Variants in ALS2 observed in about 807,000 individuals in gnomAD.
ALS2 encodes alsin.
In ALS2, 117 loss-of-function variants were observed where a neutral mutation model predicts 203.4. The ratio of observed to expected loss-of-function variants is 0.58; its 90% CI spans 0.50 to 0.67. The LOEUF (loss-of-function observed/expected upper bound fraction) is 0.67. Ranked by LOEUF, ALS2 falls within the 30% of genes least tolerant of loss-of-function variation. The pLI, the probability that ALS2 is intolerant of heterozygous loss-of-function variation, is 0.00. For missense variants in ALS2, 1,715 were observed against 1,989.4 expected (o/e 0.86, Z 2.62); for synonymous variants, 718 against 725.9 (o/e 0.99, Z 0.17).
In ALS2 at chr2:201,725,339, A is replaced by G; in HGVS notation, c.3347+17T>C. 6.2e-7 allele frequency: 1 copy of G among 1,600,350 alleles called. No individual in the cohort carries two copies. Among genetic ancestry groups the G allele is most frequent in the Non-Finnish European group, 8.6e-7 (1 of 1,167,506 alleles). ...TATGAAAAACAAACACCAGTCCAAC[A>G]GCCTTTCCAATGTTACCTGTAGACT... On this transcript the variant is annotated intron_variant, in intron 20 of 33. Transcript: ENST00000264276.
Position 201,709,950 on chromosome 2 carries a change from T to A in ALS2, c.4211A>T (p.Asn1404Ile). ...TACAGCCTCCTGCAATAACCTGCGGTTGGCTCCTACGCCCACGTATGTCAT... is the reference window on the plus strand; with the variant it reads ...TACAGCCTCCTGCAATAACCTGCGGATGGCTCCTACGCCCACGTATGTCAT... ...YRMTYVGVGA[N>I]RRLLQEAVKE... Residue 1404 changes from asparagine to isoleucine, a missense_variant, in exon 27 of 34, where the codon AAC (asparagine) becomes ATC (isoleucine). Physicochemically the swap from Asn to Ile is moderately radical, Grantham distance 149 (BLOSUM62 -3). Transcript: ENST00000264276. The A allele has an allele frequency of 6.2e-7, 1 of 1,614,156 alleles. No homozygotes were observed.
intron 27 of ALS2, 41 bp downstream of exon 27, chr2:201,709,840 G>C (rs1356256840): frequency 6.2e-7 from 1 of 1,612,368 alleles, no homozygotes. Flanking sequence ...GTATAAAATA[G>C]TATTCCATAG....
intron 3 of ALS2, among the ~76,000 whole-genome samples, chr2:201,762,019 T>C (rs781707317): frequency 6.6e-6 from 1 of 152,212 alleles, no homozygotes; most frequent in Non-Finnish European, 1.5e-5. Context: ...CTTTTTAATA[T>C]TCTGCACTAT....
At chr2:201,707,805 T>C in intron 28 of ALS2, 64 bp downstream of exon 28, 2 of 1,589,294 alleles carry the variant, frequency 1.3e-6, no homozygotes, top group East Asian at 2.3e-5. Context: ...TCGCTGGGAC[T>C]CTTTGAGTAA....
rs1223753337 is a variant in ALS2 at position 201,746,729 on chromosome 2, A to T, written c.1835T>A (p.Val612Asp). Reference protein sequence around the residue: ...RLAKISSENGVWSIAAGRDYS... With the variant: ...RLAKISSENGDWSIAAGRDYS... Reference sequence around the variant, plus strand: ...ATCCCTGCCTGCAGCTATGCTCCAGACTCCATTTTCACTGCTTATCTGCAA... The same window carrying T: ...ATCCCTGCCTGCAGCTATGCTCCAGTCTCCATTTTCACTGCTTATCTGCAA... The change falls in exon 9 of 34, where the codon GTC becomes GAC. Residue 612 changes from valine to aspartate, a missense_variant. Val to Asp is a radical substitution (Grantham distance 152). Coordinates refer to ENST00000264276, the MANE Select transcript of ALS2 (RefSeq NM_020919.4). The T allele has an allele frequency of 6.2e-7, 1 of 1,614,080 alleles. No individual in the cohort carries two copies. Among genetic ancestry groups the T allele is most frequent in the Non-Finnish European group, 8.5e-7 (1 of 1,180,020 alleles).
intron 8 of ALS2, among the ~76,000 whole-genome samples, chr2:201,747,406 A>T (rs1011925848): frequency 2.6e-5 from 4 of 151,218 alleles, no homozygotes; most frequent in African/African-American, 9.7e-5. Context: ...ACAAATTCCC[A>T]GGCCCCAGAG....
In ALS2 at chr2:201,715,755, C is replaced by T; in HGVS notation, c.3921G>A (p.Glu1307=). The change falls in exon 25 of 34, where the codon GAG becomes GAA. Residue 1307 remains glutamate, a synonymous_variant. Coordinates refer to ENST00000264276, the MANE Select transcript of ALS2 (RefSeq NM_020919.4). ...FDECWRQLGC[E]GPGQGEVWKA... ...TCCAAACTTCCCCTTGGCCTGGGCC[C>T]TCACAGCCCAGTTGGCGCCAACATT... The T allele has an allele frequency of 6.2e-7, 1 of 1,614,210 alleles. No individual in the cohort carries two copies. The highest frequency in any genetic ancestry group is 1.1e-5 in the South Asian group (1 of 91,084).
At chr2:201,753,334 T>C (rs1265338465) in intron 6 of ALS2, 92 bp from the exon 7 acceptor site, 1 of 970,144 alleles carries the variant, frequency 1.0e-6, no homozygotes. Flanking sequence ...CGTGTAAAAA[T>C]AAACATTTCT....
In ALS2 at chr2:201,727,695, A is replaced by G. The variant is rs1457658432; in HGVS notation, c.2912+10T>C. On this transcript the variant is annotated intron_variant, in intron 16 of 33. Transcript: ENST00000264276. ...GGACGGGGTGGGGTGGGGAGGGGGG[A>G]CGCACTTACACACCACCAGCTTCTT... 4 of 1,550,272 alleles carry G rather than the reference A, an allele frequency of 2.6e-6. No homozygotes were observed. Among genetic ancestry groups the G allele is most frequent in the Admixed American group, 2.0e-5 (1 of 50,934 alleles).
At chr2:201,755,272 T>C (rs1693311942) in intron 5 of ALS2, among the ~76,000 whole-genome samples, 1 of 152,040 alleles carries the variant, frequency 6.6e-6, no homozygotes, top group Non-Finnish European at 1.5e-5. Context: ...GTCTCTTTTT[T>C]TTTTCTTGAG....
At chr2:201,735,111 C>T (rs753827686) in intron 12 of ALS2, among the ~76,000 whole-genome samples, 1 of 151,730 alleles carries the variant, frequency 6.6e-6, no homozygotes, top group East Asian at 1.9e-4. Flanking sequence ...AGACACAGAA[C>T]GACAAATAAA....
At position 201,727,742 on chromosome 2, in the gene ALS2, G is replaced by T. The variant is rs1553506293; in HGVS notation, c.2875C>A (p.Leu959Met). The change falls in exon 16 of 34, where the codon CTG (leucine) becomes ATG (methionine). Residue 959 changes from leucine (L) to methionine (M), a missense_variant. By Grantham distance (15) the Leu-to-Met change is conservative (BLOSUM62 2). Around this residue, in one of 3 missense-constraint regions of ALS2, gnomAD observed 1,227 missense variants for 1,413.5 expected, o/e 0.87. Transcript: ENST00000264276. ...STHHVFPLAT[L>M]WAEPLSEEAG... ...TCTTCAGACAGTGGCTCTGCCCACA[G>T]CGTGGCCAGAGGGAAAACATGGTGC... 3 of 1,551,730 alleles carry T rather than the reference G, an allele frequency of 1.9e-6. No homozygotes were observed. The highest frequency in any genetic ancestry group is 2.6e-6 in the Non-Finnish European group (3 of 1,147,000).
intron 8 of ALS2, among the ~76,000 whole-genome samples, chr2:201,747,905 AC>A (rs2106060042): frequency 6.6e-6 from 1 of 152,198 alleles, no homozygotes; most frequent in South Asian, 2.1e-4. Context: ...CTAGGCCCCC[AC>A]TCCATCCTTA....
At chr2:201,729,338 G>T (rs1009987971) in intron 13 of ALS2, among the ~76,000 whole-genome samples, 155 bp from the exon 14 acceptor site, 1 of 152,154 alleles carries the variant, frequency 6.6e-6, no homozygotes, top group Non-Finnish European at 1.5e-5. Context: ...ACTGGGAAAA[G>T]GAGATTGGTT....
intron 3 of ALS2, chr2:201,763,351 C>T (rs568502224): frequency 9.7e-5 from 19 of 194,988 alleles, no homozygotes; most frequent in African/African-American, 4.2e-4. Flanking sequence ...TGGCCAGTAT[C>T]GATGACTGCT....
intron 5 of ALS2, among the ~76,000 whole-genome samples, chr2:201,755,038 T>A (rs1004439395): frequency 1.3e-5 from 2 of 152,216 alleles, no homozygotes; most frequent in African/African-American, 4.8e-5. Context: ...ATAGAACTTG[T>A]ATTCTAAAGA....
At chr2:201,759,462 ATAAAT>A (rs2106084476) in intron 4 of ALS2, 3 of 929,562 alleles carry the variant, frequency 3.2e-6, no homozygotes, top group African/African-American at 1.8e-5. Flanking sequence ...TTTAATTTAA[ATAAAT>A]TAAATTTAAT....
At chr2:201,759,490 C>T in intron 4 of ALS2, 1 of 961,552 alleles carries the variant, frequency 1.0e-6, no homozygotes, top group Non-Finnish European at 1.2e-6. Flanking sequence ...AATAGAAACA[C>T]ACACATTGTT....
intron 8 of ALS2, 108 bp downstream of exon 8, chr2:201,749,604 G>T: frequency 9.3e-7 from 1 of 1,080,360 alleles, no homozygotes; most frequent in Non-Finnish European, 1.4e-6. Flanking sequence ...AACAAATTTA[G>T]GTTGTACGTA....
Sources: gnomAD v4.1 joint callset for allele counts (sites outside exome capture counted in the v4.1 genomes callset) on GRCh38, gnomAD v4.1.1 for gene constraint, gnomAD v4.1.1 regional missense constraint, MANE v1.5 for transcripts, NCBI Gene and HGNC (gene_info 2026-07-23, HGNC 2026-07-21) for gene names.